BRSK2: variants seen among roughly 807,000 people sequenced by gnomAD.
BRSK2 encodes the protein BR serine/threonine kinase 2.
Under a neutral mutation model 83.3 loss-of-function variants are expected in BRSK2, and 19 were observed. The ratio of observed to expected loss-of-function variants is 0.23; its 90% confidence interval spans 0.16 to 0.33. The LOEUF is 0.33. Ranked by LOEUF, BRSK2 falls within the 10% of genes least tolerant of loss-of-function variation. BRSK2 has a pLI of 1.00. For synonymous variants in BRSK2, 519 were observed against 435.4 expected (o/e 1.19, Z -2.39); for missense variants, 798 against 1,042.3 (o/e 0.77, Z 3.23).
intron 1 of BRSK2, among the ~76,000 whole-genome samples, chr11:1,421,487 G>C (rs1848624769): frequency 6.6e-6 from 1 of 152,200 alleles, no homozygotes; most frequent in Non-Finnish European, 1.5e-5. Context: ...AGAGGCAGCG[G>C]AGCGGCTGCA....
intron 1 of BRSK2, among the ~76,000 whole-genome samples, chr11:1,394,579 C>T (rs1384660912): frequency 1.6e-5 from 1 of 62,138 alleles, no homozygotes; most frequent in Non-Finnish European, 3.3e-5. Flanking sequence ...GGAGATGGGC[C>T]ATGGAGATGG....
Position 1,460,940 on chromosome 11 carries a change from C to A in BRSK2, c.*217C>A. On this transcript the variant is annotated 3_prime_UTR_variant, in exon 20 of 20. Coordinates refer to ENST00000528841, the MANE Select transcript of BRSK2 (RefSeq NM_001256627.2). Reference sequence around the variant, plus strand: ...TGTCTCTGCCTCTGCCTGTCTCTGACAGCATCGCTTGTTTCCACTCTGATA... The same window carrying A: ...TGTCTCTGCCTCTGCCTGTCTCTGAAAGCATCGCTTGTTTCCACTCTGATA... 1 of 1,612,254 alleles carries A rather than the reference C, an allele frequency of 6.2e-7. No homozygotes were observed. The highest frequency in any genetic ancestry group is 1.1e-5 in the South Asian group (1 of 91,004).
At chr11:1,439,845 T>C (rs1346530973) in intron 3 of BRSK2, among the ~76,000 whole-genome samples, 1 of 148,992 alleles carries the variant, frequency 6.7e-6, no homozygotes, top group African/African-American at 2.5e-5. Flanking sequence ...GCTTCACACC[T>C]TCCCCTGCCC....
chr11:1,448,867 C>A (rs900687460), intron 12 of BRSK2, among the ~76,000 whole-genome samples: 1 of 152,250 alleles, frequency 6.6e-6, no homozygotes, highest in African/African-American at 2.4e-5. Context: ...GTGGCACTCT[C>A]CACGGTCCGG....
chr11:1,390,932 C>T lies in BRSK2; in HGVS notation c.91+557C>T, dbSNP rs936131714. 6.6e-6 allele frequency among the ~76,000 whole-genome samples: 1 copy of T among 152,148 alleles called. No homozygotes were observed. The highest frequency in any genetic ancestry group is 1.5e-5 in the Non-Finnish European group (1 of 68,002). Reference sequence around the variant, plus strand: ...GACAGCGCCTTGCGCTGCTCCGGCTCGGGCTCGGGCGGGCGGAGCGTCTGT... The same window carrying T: ...GACAGCGCCTTGCGCTGCTCCGGCTTGGGCTCGGGCGGGCGGAGCGTCTGT... On this transcript the variant is annotated intron_variant, in intron 1 of 19. Transcript: ENST00000528841. This position sits in a 1 kb window ranked among gnomAD's most constrained non-coding sequence, Gnocchi z 6.8.
chr11:1,439,752 T>G (rs1590551087), intron 3 of BRSK2, among the ~76,000 whole-genome samples: 2 of 105,108 alleles, frequency 1.9e-5, no homozygotes, highest in African/African-American at 3.7e-5. Flanking sequence ...TCCCCTGCCC[T>G]GAGGGCTTCA....
chr11:1,450,918 C>G, intron 14 of BRSK2, 124 bp downstream of exon 14: 1 of 931,150 alleles, frequency 1.1e-6, no homozygotes, highest in Non-Finnish European at 1.6e-6. Flanking sequence ...TGGCCTGGGC[C>G]TGCCCACGTC....
Position 1,456,609 on chromosome 11 carries a change from C to A in BRSK2, c.1861C>A (p.Arg621Ser). The A allele has an allele frequency of 6.2e-7, 1 of 1,610,914 alleles. No individual in the cohort carries two copies. The highest frequency in any genetic ancestry group is 8.5e-7 in the Non-Finnish European group (1 of 1,179,322). The change falls in exon 18 of 20, where the codon CGC becomes AGC. Residue 621 changes from arginine to serine, a missense_variant. By Grantham distance (110) the Arg-to-Ser change is moderately radical. Transcript: ENST00000528841. ...CCTGTCTCCCCTAGGCCCCAGCCGTCGCTTCAAGAGGGTGGTGGAGACCAT... is the reference window on the plus strand; with the variant it reads ...CCTGTCTCCCCTAGGCCCCAGCCGTAGCTTCAAGAGGGTGGTGGAGACCAT... The part of the protein sequence containing the change: ...TFTLLSGPSR[R>S]FKRVVETIQA...
intron 1 of BRSK2, among the ~76,000 whole-genome samples, chr11:1,401,747 C>T (rs1301621809): frequency 1.3e-5 from 2 of 152,234 alleles, no homozygotes; most frequent in Non-Finnish European, 2.9e-5. Flanking sequence ...GGACCTTATG[C>T]CCTGTTCGGG....
At chr11:1,447,526 A>G (rs1198992685) in intron 12 of BRSK2, among the ~76,000 whole-genome samples, 1 of 152,124 alleles carries the variant, frequency 6.6e-6, no homozygotes, top group African/African-American at 2.4e-5. Context: ...TGCAGCCAGC[A>G]GAGACCCAGC....
At chr11:1,450,058 T>C (rs1845618928) in intron 13 of BRSK2, among the ~76,000 whole-genome samples, 1 of 152,098 alleles carries the variant, frequency 6.6e-6, no homozygotes, top group Non-Finnish European at 1.5e-5. Flanking sequence ...TGTCACTTCT[T>C]TTCTTTTGTG....
intron 5 of BRSK2, 93 bp downstream of exon 5, chr11:1,442,699 G>A (rs1035307201): frequency 6.8e-6 from 7 of 1,030,812 alleles, no homozygotes; most frequent in Non-Finnish European, 1.0e-5. Context: ...GCCTGCCTGA[G>A]CCTCCCGGCA....
rs1169933004 is a variant in BRSK2 at position 1,456,679 on chromosome 11, A to ACT, written c.1932_1933dup (p.Leu645SerfsTer11). The stretch of plus-strand genomic sequence containing the variant: ...ACACACGACCCGCCTGCGGCCCAGC[A>ACT]CTTGTCAGGTGAGGCGGGCTCAGCT... On this transcript the variant is annotated frameshift_variant, in exon 18 of 20. Coordinates refer to ENST00000528841, the MANE Select transcript of BRSK2 (RefSeq NM_001256627.2). LOFTEE classifies it high-confidence loss of function. 2 of 1,603,282 alleles carry ACT rather than the reference A, an allele frequency of 1.2e-6. No individual in the cohort carries two copies.
chr11:1,457,217 G>C (rs7952328), intron 18 of BRSK2, among the ~76,000 whole-genome samples: 8,330 of 152,218 alleles, frequency 0.055, 736 homozygotes, highest in African/African-American at 0.19. Context: ...CACAGGACCT[G>C]GGAGAGCAGT....
At chr11:1,396,590 A>G (rs929603056) in intron 1 of BRSK2, among the ~76,000 whole-genome samples, 5 of 152,210 alleles carry the variant, frequency 3.3e-5, no homozygotes, top group Non-Finnish European at 5.9e-5. Flanking sequence ...ACTGGCGCTC[A>G]GGAGGAGCCG....
In BRSK2 at chr11:1,436,153, G is replaced by T. The variant is rs1400124543; in HGVS notation, c.186+19G>T. 4 of 869,134 alleles carry T rather than the reference G, an allele frequency of 4.6e-6. No individual in the cohort carries two copies. The highest frequency in any genetic ancestry group is 3.4e-6 in the Non-Finnish European group (2 of 592,988). 53.8% of individuals were successfully genotyped at this position (869,134 alleles called of 1,614,324 possible). A position where few individuals can be genotyped will look rare whatever the true frequency, so the allele number is the denominator to read the frequency against. On this transcript the variant is annotated intron_variant, in intron 2 of 19. Transcript: ENST00000528841. ...GATGAAGGTGGGTGGGGCCGGGGAG[G>T]GAGGCGGGGCCGGCGGTGGGGTGGG... is the stretch of plus-strand genomic sequence containing the variant.
Position 1,454,364 on chromosome 11 carries a change from A to ACT in BRSK2, c.1545-120_1545-119insTC. On this transcript the variant is annotated intron_variant, in intron 15 of 19. Coordinates refer to ENST00000528841, the MANE Select transcript of BRSK2 (RefSeq NM_001256627.2). This position sits in a 1 kb window ranked among gnomAD's most constrained non-coding sequence, Gnocchi z 5.2. Reference sequence around the variant, plus strand: ...ATGGGTTCTGGCTAGCACTGTGGAGACAGCCGTTTCTATCACGAAGCGATG... The same window carrying ACT: ...ATGGGTTCTGGCTAGCACTGTGGAGACTCAGCCGTTTCTATCACGAAGCGATG... 8.2e-7 allele frequency: 1 copy of ACT among 1,214,832 alleles called. No individual in the cohort carries two copies. Among genetic ancestry groups the ACT allele is most frequent in the Non-Finnish European group, 1.2e-6 (1 of 847,468 alleles). 75.3% of individuals were successfully genotyped at this position (1,214,832 alleles called of 1,614,324 possible).
At chr11:1,418,843 A>G (rs1848366913) in intron 1 of BRSK2, among the ~76,000 whole-genome samples, 1 of 152,252 alleles carries the variant, frequency 6.6e-6, no homozygotes, top group Non-Finnish European at 1.5e-5. Flanking sequence ...CTGGACTGGG[A>G]CTGGGGGTCC....
At chr11:1,439,704 C>T (rs1187220240) in intron 3 of BRSK2, among the ~76,000 whole-genome samples, 1 of 151,794 alleles carries the variant, frequency 6.6e-6, no homozygotes, top group African/African-American at 2.4e-5. Flanking sequence ...GGCCTGGCCG[C>T]CCCCCTGCCC....
Sources: gnomAD v4.1 joint callset for allele counts (sites outside exome capture counted in the v4.1 genomes callset) on GRCh38, gnomAD v4.1.1 for gene constraint, Gnocchi (gnomAD v3.1) non-coding constraint, MANE v1.5 for transcripts, NCBI Gene and HGNC (gene_info 2026-07-23, HGNC 2026-07-21) for gene names.